FAM171A1: variants seen among roughly 807,000 people sequenced by gnomAD.
FAM171A1 encodes the protein protein FAM171A1.
A neutral mutation model predicts 74.9 loss-of-function variants in FAM171A1; 23 were observed. The ratio of observed to expected loss-of-function variants is 0.31; its 90% confidence interval spans 0.22 to 0.44. The LOEUF (loss-of-function observed/expected upper bound fraction) is 0.44, where lower values mean the gene tolerates loss of function less well. FAM171A1 is among the 20% of genes least tolerant of loss of function. The pLI, the probability that FAM171A1 is intolerant of heterozygous loss-of-function variation, is 1.00. For synonymous variants in FAM171A1, 527 were observed against 505.7 expected (o/e 1.04, Z -0.57); for missense variants, 1,162 against 1,159.2 (o/e 1.00, Z -0.03).
chr10:15,352,883 T>C (rs1485994679), intron 1 of FAM171A1, among the ~76,000 whole-genome samples: 1 of 152,198 alleles, frequency 6.6e-6, no homozygotes, highest in East Asian at 1.9e-4. Context: ...AACGTATCCA[T>C]AAAACTATGC....
chr10:15,356,466 A>G (rs549329959), intron 1 of FAM171A1, among the ~76,000 whole-genome samples: 24 of 152,284 alleles, frequency 1.6e-4, no homozygotes, highest in African/African-American at 5.1e-4. Flanking sequence ...TGTTCTGGAG[A>G]GAAATGAAAA....
At chr10:15,241,454 C>T (rs569760172) in intron 5 of FAM171A1, 2 of 152,104 alleles carry the variant, frequency 1.3e-5, no homozygotes, top group African/African-American at 4.8e-5. Context: ...ATGATTCAAC[C>T]CTGCGTTGTA....
intron 1 of FAM171A1, among the ~76,000 whole-genome samples, chr10:15,356,211 CATACATACATATATATATATAA>C (rs1835930161): frequency 6.7e-6 from 1 of 149,796 alleles, no homozygotes; most frequent in African/African-American, 2.5e-5. Flanking sequence ...TATATAAATA[CATACATACATATATATATATAA>C]ATACATACAT....
At chr10:15,286,935 A>G (rs1475730913) in intron 1 of FAM171A1, among the ~76,000 whole-genome samples, 1 of 152,116 alleles carries the variant, frequency 6.6e-6, no homozygotes, top group Admixed American at 6.5e-5. Context: ...ACAGAAACCA[A>G]TCTTGGCTAC....
At chr10:15,313,621 T>C (rs565943648) in intron 1 of FAM171A1, among the ~76,000 whole-genome samples, 12 of 152,324 alleles carry the variant, frequency 7.9e-5, no homozygotes, top group African/African-American at 1.4e-4. Context: ...GGTAGGTTTG[T>C]AACTCGTGAG....
chr10:15,317,840 G>C (rs1312561389), intron 1 of FAM171A1, among the ~76,000 whole-genome samples: 1 of 152,054 alleles, frequency 6.6e-6, no homozygotes, highest in Non-Finnish European at 1.5e-5. Flanking sequence ...GCCCAGGCTG[G>C]AGTGCAGTGG....
intron 1 of FAM171A1, among the ~76,000 whole-genome samples, chr10:15,298,349 G>T (rs1012316787): frequency 2.0e-5 from 3 of 151,906 alleles, no homozygotes; most frequent in Non-Finnish European, 4.4e-5. Flanking sequence ...GGCCAGGCTG[G>T]TTTCAAACTC....
intron 1 of FAM171A1, among the ~76,000 whole-genome samples, chr10:15,298,537 C>T (rs1835188727): frequency 6.6e-6 from 1 of 152,012 alleles, no homozygotes. Context: ...GAAACTTCTC[C>T]AAAATATTTA....
At chr10:15,342,388 G>A (rs112695416) in intron 1 of FAM171A1, among the ~76,000 whole-genome samples, 3,097 of 152,236 alleles carry the variant, frequency 0.02, 36 homozygotes, top group Middle Eastern at 0.048. Context: ...TGGCCAATAT[G>A]GCGAAACCCT....
chr10:15,319,097 G>A (rs982754768), intron 1 of FAM171A1, among the ~76,000 whole-genome samples: 2 of 152,196 alleles, frequency 1.3e-5, no homozygotes, highest in Non-Finnish European at 2.9e-5. Flanking sequence ...CAGGTGACAC[G>A]TCTGGAGGGA....
At chr10:15,278,932 T>C (rs1271537794) in intron 2 of FAM171A1, among the ~76,000 whole-genome samples, 1 of 152,158 alleles carries the variant, frequency 6.6e-6, no homozygotes, top group African/African-American at 2.4e-5. Context: ...CGAGGAGGAA[T>C]GGGCAGGATT....
At chr10:15,266,916 G>A (rs896478660) in intron 3 of FAM171A1, among the ~76,000 whole-genome samples, 11 of 151,522 alleles carry the variant, frequency 7.3e-5, no homozygotes, top group Middle Eastern at 3.4e-3. Flanking sequence ...GCCATATCCC[G>A]GAGGCCAGGG....
chr10:15,361,109 T>G (rs1396374078), intron 1 of FAM171A1, among the ~76,000 whole-genome samples: 1 of 152,180 alleles, frequency 6.6e-6, no homozygotes, highest in African/African-American at 2.4e-5. Context: ...ATATGATTAA[T>G]TATAAAGGAT....
intron 3 of FAM171A1, among the ~76,000 whole-genome samples, chr10:15,260,731 A>C (rs550932925): frequency 3.3e-5 from 5 of 152,312 alleles, no homozygotes; most frequent in South Asian, 2.1e-4. Flanking sequence ...CCTCCATTTC[A>C]GCACCATTTA....
intron 1 of FAM171A1, among the ~76,000 whole-genome samples, chr10:15,368,613 G>A (rs144181894): frequency 3.9e-5 from 6 of 152,292 alleles, no homozygotes; most frequent in Admixed American, 6.5e-5. Flanking sequence ...TAAAGGTTGC[G>A]TTATGGTGTA....
intron 1 of FAM171A1, among the ~76,000 whole-genome samples, chr10:15,327,810 T>G (rs1387025768): frequency 6.6e-6 from 1 of 151,994 alleles, no homozygotes; most frequent in Admixed American, 6.6e-5. Flanking sequence ...GGAAAAACTA[T>G]GTATTTGGTA....
rs976481895 is a variant in FAM171A1, at chr10:15,292,063, T to C, written c.98-7958A>G. 3.9e-5 allele frequency among the ~76,000 whole-genome samples: 6 copies of C among 152,276 alleles called. No individual in the cohort carries two copies. In the South Asian group the frequency reaches 1.0e-3, roughly 26 times the overall value. ...TTCAGGTAGCTGGTTAGTCCAAGGT[T>C]AGGGCAGATTAGGTATCTGGTGAGG... On this transcript the variant is annotated intron_variant, in intron 1 of 7. Coordinates refer to ENST00000378116, the MANE Select transcript of FAM171A1 (RefSeq NM_001010924.2).
intron 1 of FAM171A1, among the ~76,000 whole-genome samples, chr10:15,312,342 G>T (rs1588547799): frequency 6.6e-6 from 1 of 152,226 alleles, no homozygotes; most frequent in African/African-American, 2.4e-5. Context: ...ACTCGCTGCT[G>T]AACTCCAAAA....
intron 3 of FAM171A1, among the ~76,000 whole-genome samples, chr10:15,255,584 C>T (rs1488366717): frequency 6.6e-6 from 1 of 152,108 alleles, no homozygotes; most frequent in African/African-American, 2.4e-5. Flanking sequence ...GGCTGACAGG[C>T]CCTAGACAGT....
Sources: gnomAD v4.1 joint callset for allele counts (sites outside exome capture counted in the v4.1 genomes callset) on GRCh38, gnomAD v4.1.1 for gene constraint, MANE v1.5 for transcripts, NCBI Gene and HGNC (gene_info 2026-07-23, HGNC 2026-07-21) for gene names.